The following DOCK3 variants were observed in gnomAD, a reference collection of about 807,000 sequenced individuals.
DOCK3 encodes the protein dedicator of cytokinesis 3.
DOCK3 carries 60 observed loss-of-function variants against 265.6 expected under a neutral mutation model. The observed-to-expected ratio is 0.23, with a 90% CI of 0.18 to 0.28. The LOEUF (loss-of-function observed/expected upper bound fraction) is 0.28, where lower values mean the gene tolerates loss of function less well. Ranked by LOEUF, DOCK3 falls within the 10% of genes least tolerant of loss-of-function variation. The probability of loss-of-function intolerance (pLI) is 1.00; values close to 1 mark genes in which losing one functional copy is unlikely to be tolerated. For missense variants in DOCK3, 1,981 were observed against 2,594.3 expected (o/e 0.76, Z 5.14); for synonymous variants, 881 against 938.0 (o/e 0.94, Z 1.11).
At position 51,055,205 on chromosome 3, in the gene DOCK3, G is replaced by A. The variant is rs1388942006; in HGVS notation, c.316-9243G>A. On this transcript the variant is annotated intron_variant, in intron 5 of 52. Coordinates refer to ENST00000266037, the MANE Select transcript of DOCK3 (RefSeq NM_004947.5). ...AATCTTCTCCATTCTTCATATGCAG[G>A]TATCAGCCTGGTTGTTAACATCTGG... Among the ~76,000 whole-genome samples the A allele has an allele frequency of 2.0e-5, 3 of 152,116 alleles. No homozygotes were observed. In the East Asian group the frequency reaches 5.8e-4, roughly 29 times the overall value.
At position 50,780,490 on chromosome 3, in the gene DOCK3, C is replaced by T. The variant is rs532506763; in HGVS notation, c.121+1732C>T. ...GGCAAAAGTCAAAGAGAAGCCTGTA[C>T]GTGCAGAGATCACATGGCGAGAGAG... On this transcript the variant is annotated intron_variant, in intron 2 of 52. Transcript: ENST00000266037. Among the ~76,000 whole-genome samples, 5 of 152,194 alleles carry T rather than the reference C, an allele frequency of 3.3e-5. No homozygotes were observed. In the East Asian group the frequency reaches 7.7e-4, roughly 23 times the overall value.
At position 51,382,751 on chromosome 3, in the gene DOCK3, C is replaced by T. The variant is rs374328164; in HGVS notation, c.*1192C>T. 4.6e-5 allele frequency: 7 copies of T among 152,320 alleles called. No homozygotes were observed. Among genetic ancestry groups the T allele is most frequent in the South Asian group, 2.1e-4 (1 of 4,818 alleles). 9.4% of individuals were successfully genotyped at this position (152,320 alleles called of 1,614,324 possible). A position where few individuals can be genotyped will look rare whatever the true frequency, so the allele number is the denominator to read the frequency against. Reference sequence around the variant, plus strand: ...GCCATGGGGACCACCACTCAGGGTTCGGGGCTGGCAGGAGGGTAGTTTCTC... The same window carrying T: ...GCCATGGGGACCACCACTCAGGGTTTGGGGCTGGCAGGAGGGTAGTTTCTC... On this transcript the variant is annotated 3_prime_UTR_variant, in exon 53 of 53. Transcript: ENST00000266037.
intron 2 of DOCK3, among the ~76,000 whole-genome samples, chr3:50,840,902 A>T (rs1159461904): frequency 4.6e-5 from 7 of 151,976 alleles, no homozygotes; most frequent in Non-Finnish European, 1.5e-5. Context: ...TAGCTTTGTT[A>T]TTTTAAAAGT....
At chr3:50,708,989 T>G (rs1201923021) in intron 1 of DOCK3, among the ~76,000 whole-genome samples, 1 of 152,224 alleles carries the variant, frequency 6.6e-6, no homozygotes, top group Non-Finnish European at 1.5e-5. Flanking sequence ...CTCTGTTCTG[T>G]TTTCGTTTTA....
chr3:50,889,290 C>T (rs1170803859), intron 3 of DOCK3, among the ~76,000 whole-genome samples: 1 of 151,812 alleles, frequency 6.6e-6, no homozygotes, highest in Non-Finnish European at 1.5e-5. Flanking sequence ...TGCTATGTTG[C>T]CCAGACTAGT....
intron 3 of DOCK3, among the ~76,000 whole-genome samples, chr3:50,869,457 G>A (rs529061730): frequency 1.8e-4 from 23 of 130,638 alleles, no homozygotes; most frequent in African/African-American, 6.7e-4. Context: ...TGCAACCTCT[G>A]CCTGCTAGGC....
At chr3:51,185,271 A>G (rs1001991228) in intron 12 of DOCK3, among the ~76,000 whole-genome samples, 9 of 152,206 alleles carry the variant, frequency 5.9e-5, no homozygotes, top group African/African-American at 2.2e-4. Flanking sequence ...AGTGTTAATA[A>G]TAGGAGAAAT....
chr3:51,012,011 G>A (rs979357515), intron 5 of DOCK3, among the ~76,000 whole-genome samples: 6 of 152,158 alleles, frequency 3.9e-5, no homozygotes, highest in Admixed American at 1.3e-4. Context: ...GTAGAAGGCC[G>A]TGTGAGCTGT....
At chr3:50,724,665 A>T (rs2037699053) in intron 1 of DOCK3, among the ~76,000 whole-genome samples, 1 of 151,620 alleles carries the variant, frequency 6.6e-6, no homozygotes, top group Admixed American at 6.6e-5. Flanking sequence ...GGAGGGGAAC[A>T]TCACACACCG....
At chr3:50,757,276 T>C (rs2040220790) in intron 1 of DOCK3, among the ~76,000 whole-genome samples, 1 of 147,582 alleles carries the variant, frequency 6.8e-6, no homozygotes. Flanking sequence ...GTTCAAGCGA[T>C]TTCTCCTGCC....
chr3:50,806,633 C>T (rs1437274364), intron 2 of DOCK3, among the ~76,000 whole-genome samples: 1 of 151,914 alleles, frequency 6.6e-6, no homozygotes, highest in East Asian at 1.9e-4. Context: ...CCCTGCTGTG[C>T]AGGACTGGAG....
chr3:51,080,323 T>G (rs538465050), intron 7 of DOCK3, among the ~76,000 whole-genome samples: 3 of 152,248 alleles, frequency 2.0e-5, no homozygotes, highest in African/African-American at 7.2e-5. Flanking sequence ...TTCCATGCAT[T>G]TCTTAATTAA....
intron 5 of DOCK3, among the ~76,000 whole-genome samples, chr3:50,975,219 A>G (rs538684423): frequency 1.4e-4 from 21 of 148,542 alleles, no homozygotes; most frequent in African/African-American, 5.2e-4. Flanking sequence ...GTCTTGTGCC[A>G]GTTTTCAAAG....
chr3:50,795,610 G>A (rs1443018239), intron 2 of DOCK3, among the ~76,000 whole-genome samples: 4 of 152,126 alleles, frequency 2.6e-5, no homozygotes, highest in Admixed American at 6.5e-5. Flanking sequence ...TTGATCTCTT[G>A]ACTTCGTGAT....
intron 1 of DOCK3, among the ~76,000 whole-genome samples, chr3:50,742,256 C>T (rs936450541): frequency 5.3e-5 from 8 of 152,098 alleles, no homozygotes; most frequent in African/African-American, 1.9e-4. Context: ...AAAAACAGAG[C>T]AGAAAAACTG....
chr3:51,289,857 A>G (rs2081632636), intron 27 of DOCK3, among the ~76,000 whole-genome samples: 1 of 152,228 alleles, frequency 6.6e-6, no homozygotes, highest in Non-Finnish European at 1.5e-5. Context: ...AAACAACCCC[A>G]TCAAAAAGTG....
rs2049868283 is a variant in DOCK3 at position 50,911,815 on chromosome 3, T to C, written c.218+21734T>C. Reference sequence around the variant, plus strand: ...TCCTATTCATGAACATGGACTTTCTTTTCCTTTATTTGTGCCCTCTTCAGT... The same window carrying C: ...TCCTATTCATGAACATGGACTTTCTCTTCCTTTATTTGTGCCCTCTTCAGT... On this transcript the variant is annotated intron_variant, in intron 4 of 52. Transcript: ENST00000266037. 1.3e-5 allele frequency among the ~76,000 whole-genome samples: 2 copies of C among 152,114 alleles called. 1 individual carries two copies. The highest frequency in any genetic ancestry group is 2.9e-5 in the Non-Finnish European group (2 of 68,036).
chr3:51,292,834 C>T (rs563932889), intron 27 of DOCK3, among the ~76,000 whole-genome samples: 9 of 151,168 alleles, frequency 6.0e-5, no homozygotes, highest in African/African-American at 2.2e-4. Flanking sequence ...CATGCCACCA[C>T]ACCCAGCTAA....
chr3:50,841,933 T>C (rs1271931052), intron 3 of DOCK3, among the ~76,000 whole-genome samples: 1 of 151,932 alleles, frequency 6.6e-6, no homozygotes, highest in Non-Finnish European at 1.5e-5. Flanking sequence ...CTGCAAAGCT[T>C]ATCTTGAAAA....
Sources: allele counts gnomAD v4.1 joint callset (sites outside exome capture counted in the v4.1 genomes callset), GRCh38; gene constraint gnomAD v4.1.1; transcripts MANE v1.5; gene names NCBI Gene and HGNC (gene_info 2026-07-23, HGNC 2026-07-21).